Variants in BTBD16 observed in about 807,000 individuals in gnomAD.
BTBD16 encodes BTB domain containing 16.
A neutral mutation model predicts 67.4 loss-of-function variants in BTBD16; 66 were observed. The observed-to-expected ratio is 0.98, with a 90% CI of 0.80 to 1.20. The LOEUF is 1.20. BTBD16 is among the 50% of genes most tolerant of loss of function. The pLI is 0.00. For synonymous variants in BTBD16, 242 were observed against 236.4 expected, an observed-to-expected ratio of 1.02 and a Z score of -0.22; for missense variants, 634 against 616.0, an observed-to-expected ratio of 1.03 and a Z score of -0.31.
At position 122,299,135 on chromosome 10, in the gene BTBD16, G is replaced by A; in HGVS notation, c.791+1G>A. On this transcript the variant is annotated splice_donor_variant, in intron 9 of 15. Transcript: ENST00000260723. LOFTEE classifies it high-confidence loss of function. ...TCCACAAAGTGCTGAAGTCCCCCAG[G>A]TCAGAGCTGGCTCCCAGGGTGCGGC... The A allele has an allele frequency of 6.2e-7, 1 of 1,613,490 alleles. No individual in the cohort carries two copies. Among genetic ancestry groups the A allele is most frequent in the Non-Finnish European group, 8.5e-7 (1 of 1,179,868 alleles).
intron 12 of BTBD16, 95 bp from the exon 13 acceptor site, chr10:122,332,341 G>GT (rs869095699): frequency 3.6e-5 from 38 of 1,045,024 alleles, no homozygotes; most frequent in Admixed American, 5.7e-5. Flanking sequence ...AACCTGGTGA[G>GT]GGGGGCAGGG....
intron 10 of BTBD16, among the ~76,000 whole-genome samples, chr10:122,317,936 A>G (rs2096428871): frequency 6.6e-6 from 1 of 152,216 alleles, no homozygotes. Flanking sequence ...AAAGTATATA[A>G]TAGTACATAA....
At position 122,275,026 on chromosome 10, in the gene BTBD16, C is replaced by G. The variant is rs528281696; in HGVS notation, c.-42-14C>G. The stretch of plus-strand genomic sequence containing the variant: ...AGTATGGAAAATGTCACCTTTACCT[C>G]TTTTGTCTTCTAGGTTGCTTGTCTT... On this transcript the variant is annotated splice_polypyrimidine_tract_variant and intron_variant, in intron 1 of 15. Transcript: ENST00000260723. 24 of 1,598,864 alleles carry G rather than the reference C, an allele frequency of 1.5e-5. No individual in the cohort carries two copies. In the African/African-American group the frequency reaches 2.9e-4, roughly 20 times the overall value.
rs183066235 is a variant in BTBD16 at position 122,285,028 on chromosome 10, G to A, written c.242-1077G>A. Reference sequence around the variant, plus strand: ...GTAATATTTGAGATGCAAACCCCCCGGAACCCCAGCACTAAACAATATCAT... The same window carrying A: ...GTAATATTTGAGATGCAAACCCCCCAGAACCCCAGCACTAAACAATATCAT... On this transcript the variant is annotated intron_variant, in intron 4 of 15. Transcript: ENST00000260723. Among the ~76,000 whole-genome samples the A allele has an allele frequency of 1.2e-4, 18 of 152,106 alleles. No individual in the cohort carries two copies. The East Asian group carries it at 1.4e-3, about 11-fold the overall frequency.
chr10:122,274,624 C>A (rs1006045395), intron 1 of BTBD16, among the ~76,000 whole-genome samples: 1 of 152,210 alleles, frequency 6.6e-6, no homozygotes, highest in Non-Finnish European at 1.5e-5. Flanking sequence ...GGGTGACCAT[C>A]AGTCTACAGA....
At position 122,324,672 on chromosome 10, in the gene BTBD16, C is replaced by T. The variant is rs75129594; in HGVS notation, c.912-4808C>T. Among the ~76,000 whole-genome samples, 145 of 151,852 alleles carry T rather than the reference C, an allele frequency of 9.5e-4. 2 individuals are homozygous for T. In the East Asian group the frequency reaches 0.026, roughly 28 times the overall value. On this transcript the variant is annotated intron_variant, in intron 10 of 15. Transcript: ENST00000260723. The stretch of plus-strand genomic sequence containing the variant: ...GTCAAGAGGATTTCTCATTATCTGA[C>T]GTTCATGCTTCTTGCCTTGTTGTGT...
intron 5 of BTBD16, chr10:122,287,498 T>G (rs1590055922): frequency 1.0e-6 from 1 of 985,272 alleles, no homozygotes; most frequent in Non-Finnish European, 1.2e-6. Flanking sequence ...AGAGGGAAGG[T>G]GCAGAGATGA....
At chr10:122,272,152 A>G (rs771557546) in intron 1 of BTBD16, among the ~76,000 whole-genome samples, 3 of 152,174 alleles carry the variant, frequency 2.0e-5, no homozygotes, top group African/African-American at 4.8e-5. Context: ...GAGAAGCCTC[A>G]CGCAAGGTGG....
At chr10:122,319,338 C>A (rs1039717149) in intron 10 of BTBD16, among the ~76,000 whole-genome samples, 1 of 151,986 alleles carries the variant, frequency 6.6e-6, no homozygotes, top group Non-Finnish European at 1.5e-5. Context: ...ATGTTTTCTT[C>A]TGGGAGATTT....
In BTBD16 at chr10:122,329,512, A is replaced by T; in HGVS notation, c.944A>T (p.Asp315Val). ...GAGAACTGTTGCTTTCTGGACCGGG[A>T]CATAGGACGGAGCTTGAGGCCGCTC... ...FPENCCFLDRDIGRSLRPLFL... is the reference protein window; with the variant it reads ...FPENCCFLDRVIGRSLRPLFL... Residue 315 changes from aspartate (D) to valine (V), a missense_variant, in exon 11 of 16, where the codon GAC becomes GTC. Asp to Val is a radical substitution (Grantham distance 152, BLOSUM62 -3). Transcript: ENST00000260723. 1 of 1,613,836 alleles carries T rather than the reference A, an allele frequency of 6.2e-7. No individual in the cohort carries two copies. Among genetic ancestry groups the T allele is most frequent in the Non-Finnish European group, 8.5e-7 (1 of 1,179,974 alleles).
Position 122,291,096 on chromosome 10 carries a change from G to A in BTBD16, c.492G>A (p.Leu164=). The A allele has an allele frequency of 6.2e-7, 1 of 1,612,286 alleles. No homozygotes were observed. Among genetic ancestry groups the A allele is most frequent in the Non-Finnish European group, 8.5e-7 (1 of 1,179,312 alleles). Residue 164 remains leucine (L), a synonymous_variant, in exon 7 of 16, where the codon CTG becomes CTA. Transcript: ENST00000260723. The part of the protein sequence containing the change: ...LVTKVAFATA[L]KNLYMSEVEI... ...CCTCCCCAGCCTTCGCCACGGCCCTGAAGAACCTCTACATGAGTGAGGTGG... is the reference window on the plus strand; with the variant it reads ...CCTCCCCAGCCTTCGCCACGGCCCTAAAGAACCTCTACATGAGTGAGGTGG...
chr10:122,335,768 C>T (rs931562820), intron 14 of BTBD16, among the ~76,000 whole-genome samples: 2 of 152,162 alleles, frequency 1.3e-5, no homozygotes. Context: ...GCTTACAAGT[C>T]TCTTCTCTAA....
At chr10:122,283,066 C>T (rs2096356267) in intron 3 of BTBD16, among the ~76,000 whole-genome samples, 1 of 152,276 alleles carries the variant, frequency 6.6e-6, no homozygotes, top group South Asian at 2.1e-4. Flanking sequence ...AGCTGGTTAG[C>T]CGTGCTAAGG....
intron 14 of BTBD16, among the ~76,000 whole-genome samples, chr10:122,336,046 G>C (rs2096462789): frequency 6.6e-6 from 1 of 152,138 alleles, no homozygotes; most frequent in African/African-American, 2.4e-5. Flanking sequence ...TTTAGTCCCA[G>C]ATTTTCCAGT....
At chr10:122,337,757 G>T (rs768517927) in intron 15 of BTBD16, among the ~76,000 whole-genome samples, 70 of 152,214 alleles carry the variant, frequency 4.6e-4, no homozygotes, top group Non-Finnish European at 9.0e-4. Context: ...GTCTTGTTCA[G>T]GGTGATGGTT....
chr10:122,328,216 G>A (rs1378245670), intron 10 of BTBD16, among the ~76,000 whole-genome samples: 1 of 152,152 alleles, frequency 6.6e-6, no homozygotes, highest in Non-Finnish European at 1.5e-5. Flanking sequence ...TGTTTTCAGG[G>A]CACAGGCACC....
chr10:122,304,550 CTTTTTT>C (rs3037891), intron 9 of BTBD16, among the ~76,000 whole-genome samples: 1 of 95,466 alleles, frequency 1.0e-5, no homozygotes. Flanking sequence ...AGCAGGTATT[CTTTTTT>C]TTTTTTTTTT....
At chr10:122,327,481 C>T (rs915972928) in intron 10 of BTBD16, 2 of 548,024 alleles carry the variant, frequency 3.6e-6, no homozygotes, top group Non-Finnish European at 4.6e-6. Context: ...GGCTACTGCT[C>T]CCACTTGACA....
chr10:122,337,478 T>G (rs2096465051), intron 15 of BTBD16, among the ~76,000 whole-genome samples: 2 of 152,212 alleles, frequency 1.3e-5, no homozygotes, highest in Admixed American at 1.3e-4. Flanking sequence ...TTTGTTTTGT[T>G]TTTTGAGACG....
Sources: gnomAD v4.1 joint callset for allele counts (sites outside exome capture counted in the v4.1 genomes callset) on GRCh38, gnomAD v4.1.1 for gene constraint, MANE v1.5 for transcripts, NCBI Gene and HGNC (gene_info 2026-07-23, HGNC 2026-07-21) for gene names.